KAT6A: variants seen among roughly 807,000 people sequenced by gnomAD.
KAT6A encodes the protein histone acetyltransferase KAT6A.
A neutral mutation model predicts 198.4 loss-of-function variants in KAT6A; 9 were observed. The observed-to-expected ratio is 0.05, with a 90% CI of 0.03 to 0.08. The LOEUF is 0.08. Among genes scored for constraint, KAT6A ranks in the 10% least tolerant of loss-of-function variants. The pLI is 1.00. For missense variants in KAT6A, 2,077 were observed against 2,509.9 expected (o/e 0.83, Z 3.69); for synonymous variants, 890 against 883.0 (o/e 1.01, Z -0.14).
At chr8:41,944,466 T>G (rs1822283672) in intron 12 of KAT6A, among the ~76,000 whole-genome samples, 1 of 152,180 alleles carries the variant, frequency 6.6e-6, no homozygotes, top group Non-Finnish European at 1.5e-5. Flanking sequence ...TCATTCTAAC[T>G]CTAGGCAAGC....
Position 41,940,872 on chromosome 8 carries a change from T to C in KAT6A, c.3009A>G (p.Pro1003=), listed in dbSNP as rs751466018. 2 of 1,613,082 alleles carry C rather than the reference T, an allele frequency of 1.2e-6. No individual in the cohort carries two copies. The highest frequency in any genetic ancestry group is 1.7e-6 in the Non-Finnish European group (2 of 1,179,880). ...GCTTCAGCGTGGGCTTTGTGAGAAT[T>C]GGTGGCGAGCTTGACCGAGGGCTTT... ...EPESPRSSSP[P]ILTKPTLKRK... is the part of the protein sequence containing the mutation. The change falls in exon 15 of 17, where the codon CCA becomes CCG. Residue 1003 remains proline, a synonymous_variant. Transcript: ENST00000265713.
At chr8:41,999,808 C>CT (rs1489034278) in intron 2 of KAT6A, among the ~76,000 whole-genome samples, 2 of 152,346 alleles carry the variant, frequency 1.3e-5, no homozygotes, top group East Asian at 3.9e-4. Flanking sequence ...GGTTCTGCCA[C>CT]TGTGGCATCA....
intron 2 of KAT6A, among the ~76,000 whole-genome samples, chr8:42,029,204 A>G (rs1826986515): frequency 6.6e-6 from 1 of 152,008 alleles, no homozygotes; most frequent in African/African-American, 2.4e-5. Flanking sequence ...TCCTCCTGCT[A>G]TTTTTAGAAT....
intron 15 of KAT6A, among the ~76,000 whole-genome samples, chr8:41,939,608 A>G (rs988549168): frequency 1.3e-5 from 2 of 152,174 alleles, no homozygotes; most frequent in African/African-American, 4.8e-5. Context: ...CTTTACCTCT[A>G]TGGTCTTCCT....
chr8:41,971,435 G>A (rs1369338121), intron 8 of KAT6A, among the ~76,000 whole-genome samples: 2 of 152,068 alleles, frequency 1.3e-5, no homozygotes, highest in Non-Finnish European at 2.9e-5. Context: ...ATCGACTCTA[G>A]AGGAAGGGCC....
At chr8:42,025,198 C>T (rs947627159) in intron 2 of KAT6A, among the ~76,000 whole-genome samples, 1 of 148,902 alleles carries the variant, frequency 6.7e-6, no homozygotes, top group African/African-American at 2.5e-5. Flanking sequence ...ATTAGTGATG[C>T]TGAGGTTTTT....
In KAT6A at chr8:42,005,805, CTCTT is replaced by C. The variant is rs1825717523; in HGVS notation, c.601-18246_601-18243del. Among the ~76,000 whole-genome samples, 3 of 151,926 alleles carry C rather than the reference CTCTT, an allele frequency of 2.0e-5. No homozygotes were observed. In the East Asian group the frequency reaches 5.8e-4, roughly 29 times the overall value. On this transcript the variant is annotated intron_variant, in intron 2 of 16. Coordinates refer to ENST00000265713, the MANE Select transcript of KAT6A (RefSeq NM_006766.5). ...ACACACACACACACACACACTCACT[CTCTT>C]TCTCCCCATCCATCCATCCATCCAA...
chr8:42,009,518 G>A (rs896308258), intron 2 of KAT6A, among the ~76,000 whole-genome samples: 8 of 151,588 alleles, frequency 5.3e-5, no homozygotes, highest in East Asian at 1.9e-4. Context: ...ACCCTGAGAC[G>A]ACTAATGGGT....
rs186022719 is a variant in KAT6A, at chr8:41,929,731, G to A, written c.*2474C>T. 2 of 192,720 alleles carry A rather than the reference G, an allele frequency of 1.0e-5. No individual in the cohort carries two copies. The highest frequency in any genetic ancestry group is 2.3e-5 in the African/African-American group (1 of 43,080). 11.9% of individuals were successfully genotyped at this position (192,720 alleles called of 1,614,324 possible). A position where few individuals can be genotyped will look rare whatever the true frequency, so the allele number is the denominator to read the frequency against. ...GCAAATATAAACAGACAGGATAGACGTGGCTTCCTTTGTACATGCGGCTTT... is the reference window on the plus strand; with the variant it reads ...GCAAATATAAACAGACAGGATAGACATGGCTTCCTTTGTACATGCGGCTTT... On this transcript the variant is annotated 3_prime_UTR_variant, in exon 17 of 17. Transcript: ENST00000265713.
chr8:41,985,978 G>A (rs1286701010), intron 3 of KAT6A, among the ~76,000 whole-genome samples: 2 of 151,960 alleles, frequency 1.3e-5, no homozygotes, highest in African/African-American at 4.8e-5. Flanking sequence ...GTCTCGCTCT[G>A]TTGCCAGGCT....
rs758615029 is a variant in KAT6A, at chr8:41,941,391, T to G, written c.2490A>C (p.Glu830Asp). 8 of 1,609,718 alleles carry G rather than the reference T, an allele frequency of 5.0e-6. No individual in the cohort carries two copies. Among genetic ancestry groups the G allele is most frequent in the Non-Finnish European group, 6.8e-6 (8 of 1,179,870 alleles). Residue 830 changes from glutamate to aspartate, a missense_variant, in exon 15 of 17, where the codon GAA (glutamate) becomes GAC (aspartate). Coordinates refer to ENST00000265713, the MANE Select transcript of KAT6A (RefSeq NM_006766.5). ...CCATAACTTCTGGTTTCTTTTCACT[T>G]TCTACTGAATAAGAATCTTGTTCTT... ...ENKEQDSYSV[E>D]SEKKPEVMAP...
At chr8:41,953,805 T>G (rs967771278) in intron 9 of KAT6A, among the ~76,000 whole-genome samples, 1 of 152,232 alleles carries the variant, frequency 6.6e-6, no homozygotes, top group African/African-American at 2.4e-5. Flanking sequence ...CTATTCAGAA[T>G]TCCTGAGGAA....
At chr8:41,999,861 G>A (rs1033877720) in intron 2 of KAT6A, among the ~76,000 whole-genome samples, 1 of 152,168 alleles carries the variant, frequency 6.6e-6, no homozygotes, top group African/African-American at 2.4e-5. Context: ...CAACATACCT[G>A]CCTTTCAAGT....
chr8:41,974,748 T>C lies in KAT6A; in HGVS notation c.1438A>G (p.Lys480Glu). ...LFGSQEIMTE[K>E]DMELFRDIQE... is the part of the protein sequence containing the mutation. ...ATATCACGAAATAATTCCATATCTT[T>C]CTCAGTCATGATTTCCTGGCTCCCA... is the stretch of plus-strand genomic sequence containing the variant. Residue 480 changes from lysine (K) to glutamate (E), a missense_variant, in exon 8 of 17, where the codon AAA becomes GAA. Physicochemically the swap from Lys to Glu is moderately conservative, Grantham distance 56 (BLOSUM62 1). Coordinates refer to ENST00000265713, the MANE Select transcript of KAT6A (RefSeq NM_006766.5). 3.7e-6 allele frequency: 6 copies of C among 1,610,554 alleles called. No homozygotes were observed. The highest frequency in any genetic ancestry group is 5.1e-6 in the Non-Finnish European group (6 of 1,178,218).
At chr8:41,947,366 T>C (rs1006674019) in intron 11 of KAT6A, among the ~76,000 whole-genome samples, 3 of 152,200 alleles carry the variant, frequency 2.0e-5, no homozygotes, top group African/African-American at 7.2e-5. Context: ...GGAGAAAATA[T>C]CCTTTAACCA....
intron 2 of KAT6A, among the ~76,000 whole-genome samples, chr8:42,007,963 A>C (rs1587817542): frequency 7.2e-6 from 1 of 138,726 alleles, no homozygotes; most frequent in Admixed American, 7.4e-5. Context: ...CTCCGTCTCA[A>C]AAAAAAAAAA....
chr8:42,029,794 T>C (rs183613806), intron 2 of KAT6A, among the ~76,000 whole-genome samples: 9 of 152,230 alleles, frequency 5.9e-5, no homozygotes, highest in African/African-American at 9.6e-5. Context: ...AGTTGAATTC[T>C]TCAGTTCTAC....
At chr8:41,963,326 C>T (rs1310927162) in intron 8 of KAT6A, among the ~76,000 whole-genome samples, 1 of 152,186 alleles carries the variant, frequency 6.6e-6, no homozygotes. Flanking sequence ...CAAAGTTCTC[C>T]ACTTTAGATT....
rs139391865 is a variant in KAT6A at position 41,961,005 on chromosome 8, T to C, written c.1483-5594A>G. Among the ~76,000 whole-genome samples, 22 of 152,326 alleles carry C rather than the reference T, an allele frequency of 1.4e-4. No individual in the cohort carries two copies. In the East Asian group the frequency reaches 4.2e-3, roughly 29 times the overall value. ...GGTGGAGAAAAACAGAGAATCATGC[T>C]ACCCAGTCTCACATTATACACCTAC... is the stretch of plus-strand genomic sequence containing the variant. On this transcript the variant is annotated intron_variant, in intron 8 of 16. Coordinates refer to ENST00000265713, the MANE Select transcript of KAT6A (RefSeq NM_006766.5).
Sources: allele counts gnomAD v4.1 joint callset (sites outside exome capture counted in the v4.1 genomes callset), GRCh38; gene constraint gnomAD v4.1.1; transcripts MANE v1.5; gene names NCBI Gene and HGNC (gene_info 2026-07-23, HGNC 2026-07-21).